The following SLC12A6 variants were observed in gnomAD, a reference collection of about 807,000 sequenced individuals.
SLC12A6 encodes the protein K-Cl cotransporter 3.
Under a neutral mutation model 135.3 loss-of-function variants are expected in SLC12A6, and 66 were observed. The ratio of observed to expected loss-of-function variants is 0.49; its 90% CI spans 0.40 to 0.60. The LOEUF (loss-of-function observed/expected upper bound fraction) is 0.60. SLC12A6 is among the 20% of genes least tolerant of loss of function. SLC12A6 has a pLI of 0.00. For synonymous variants in SLC12A6, 513 were observed against 508.8 expected, an observed-to-expected ratio of 1.01 and a Z score of -0.11; for missense variants, 1,058 against 1,452.3, an observed-to-expected ratio of 0.73 and a Z score of 4.41.
At position 34,236,831 on chromosome 15, in the gene SLC12A6, C is replaced by G; in HGVS notation, c.2935-16G>C. On this transcript the variant is annotated splice_polypyrimidine_tract_variant and intron_variant, in intron 22 of 25. Transcript: ENST00000354181. Reference sequence around the variant, plus strand: ...CACTGTCATGCTGCCATAGACATCACATAAAAGGGGCAAAAAGCACAAAGG... The same window carrying G: ...CACTGTCATGCTGCCATAGACATCAGATAAAAGGGGCAAAAAGCACAAAGG... 2.1e-6 allele frequency: 3 copies of G among 1,458,948 alleles called. No individual in the cohort carries two copies. Among genetic ancestry groups the G allele is most frequent in the Non-Finnish European group, 2.9e-6 (3 of 1,038,052 alleles). The allele number at this position is 1,458,948 out of a possible 1,614,324, so 90.4% of individuals were successfully genotyped here. A position where few individuals can be genotyped will look rare whatever the true frequency, so the allele number is the denominator to read the frequency against.
intron 2 of SLC12A6, among the ~76,000 whole-genome samples, chr15:34,284,277 CT>C (rs71415558): frequency 0.07 from 6,498 of 92,422 alleles, 71 homozygotes; most frequent in African/African-American, 0.14. Flanking sequence ...TGTTTCTTTT[CT>C]TTTTTTTTTT....
At chr15:34,271,650 G>C (rs1452037796) in intron 3 of SLC12A6, among the ~76,000 whole-genome samples, 1 of 143,466 alleles carries the variant, frequency 7.0e-6, no homozygotes, top group Non-Finnish European at 1.5e-5. Context: ...TAAATCACAG[G>C]TGTACAGCTT....
chr15:34,301,197 G>A (rs1315735879), intron 2 of SLC12A6, among the ~76,000 whole-genome samples: 1 of 152,056 alleles, frequency 6.6e-6, no homozygotes, highest in African/African-American at 2.4e-5. Context: ...TTGAACTCCT[G>A]ACCTCAGGTG....
At chr15:34,267,217 C>T (rs1003700934) in intron 3 of SLC12A6, among the ~76,000 whole-genome samples, 4 of 150,198 alleles carry the variant, frequency 2.7e-5, no homozygotes, top group East Asian at 2.0e-4. Flanking sequence ...TGGTGTCCAA[C>T]GTTCCCAGTA....
intron 2 of SLC12A6, among the ~76,000 whole-genome samples, chr15:34,330,634 T>C (rs1221140095): frequency 6.6e-6 from 1 of 151,466 alleles, no homozygotes; most frequent in African/African-American, 2.4e-5. Flanking sequence ...CACCACTGTA[T>C]CCAGCCTGGT....
At chr15:34,316,440 C>T (rs367691145) in intron 2 of SLC12A6, among the ~76,000 whole-genome samples, 1 of 152,104 alleles carries the variant, frequency 6.6e-6, no homozygotes, top group South Asian at 2.1e-4. Context: ...CATACATTTC[C>T]CTCCTTCCTA....
rs199936793 is a variant in SLC12A6, at chr15:34,245,644, T to C, written c.1824+49A>G. The C allele has an allele frequency of 5.8e-5, 85 of 1,470,358 alleles. 2 individuals are homozygous for C. In the East Asian group the frequency reaches 1.3e-3, roughly 22 times the overall value. 91.1% of individuals were successfully genotyped at this position (1,470,358 alleles called of 1,614,324 possible). A position where few individuals can be genotyped will look rare whatever the true frequency, so the allele number is the denominator to read the frequency against. The stretch of plus-strand genomic sequence containing the variant: ...AAGCCCATGAAGACCACACTGTTTC[T>C]CATTAAAGCTGGGAAAAAAAGAAGA... On this transcript the variant is annotated intron_variant, in intron 14 of 25. Transcript: ENST00000354181.
rs373077646 is a variant in SLC12A6, at chr15:34,250,907, G to C, written c.1484C>G (p.Ser495Cys). The change falls in exon 11 of 26, where the codon TCT (serine) becomes TGT (cysteine). Residue 495 changes from serine to cysteine, a missense_variant. Transcript: ENST00000354181. Reference sequence around the variant, plus strand: ...ACAGCCTATGTGTTTACCTGTAACAGAGGGAAAGAAGATTCCCACCAGAAG... The same window carrying C: ...ACAGCCTATGTGTTTACCTGTAACACAGGGAAAGAAGATTCCCACCAGAAG... ...FTLLVGIFFP[S>C]VTGIMAGSNR... The C allele has an allele frequency of 1.9e-5, 31 of 1,611,158 alleles. No individual in the cohort carries two copies. Among genetic ancestry groups the C allele is most frequent in the Middle Eastern group, 1.6e-4 (1 of 6,076 alleles).
At position 34,237,278 on chromosome 15, in the gene SLC12A6, T is replaced by G. The variant is rs542023228; in HGVS notation, c.2934+141A>C. On this transcript the variant is annotated intron_variant, in intron 22 of 25. Coordinates refer to ENST00000354181, the MANE Select transcript of SLC12A6 (RefSeq NM_001365088.1). ...TTCTACTTAGGGCAACAAATTAGGG[T>G]TTTTTTTTGTTTTTTTTTTGGCACT... The G allele has an allele frequency of 2.2e-4, 131 of 601,620 alleles. 1 individual carries two copies. The highest frequency in any genetic ancestry group is 9.2e-4 in the South Asian group (47 of 51,100). The allele number at this position is 601,620 out of a possible 1,614,324, so 37.3% of individuals were successfully genotyped here.
intron 3 of SLC12A6, among the ~76,000 whole-genome samples, chr15:34,268,037 T>C (rs1385954771): frequency 1.3e-5 from 2 of 152,226 alleles, no homozygotes; most frequent in African/African-American, 4.8e-5. Context: ...AAACATTTAA[T>C]AGAATTTTGT....
intron 2 of SLC12A6, among the ~76,000 whole-genome samples, chr15:34,320,423 G>A (rs111695438): frequency 2.6e-4 from 39 of 152,054 alleles, no homozygotes; most frequent in Middle Eastern, 3.2e-3. Context: ...TCATTCATAC[G>A]TAGGAGCTAA....
At chr15:34,332,993 A>G (rs1889956083) in intron 2 of SLC12A6, among the ~76,000 whole-genome samples, 1 of 152,092 alleles carries the variant, frequency 6.6e-6, no homozygotes, top group Non-Finnish European at 1.5e-5. Flanking sequence ...AACCATCTCT[A>G]TAAGCCTTAG....
At chr15:34,251,096 T>TG in intron 10 of SLC12A6, 39 bp from the exon 11 acceptor site, 2 of 1,177,116 alleles carry the variant, frequency 1.7e-6, no homozygotes, top group Non-Finnish European at 2.3e-6. Flanking sequence ...AGCAGCAGTA[T>TG]GAAAAAAAAA....
intron 2 of SLC12A6, among the ~76,000 whole-genome samples, chr15:34,309,803 T>C (rs1027107568): frequency 6.6e-6 from 1 of 152,102 alleles, no homozygotes; most frequent in Non-Finnish European, 1.5e-5. Context: ...AAAAAAAGGA[T>C]AAAGCTTTGA....
intron 2 of SLC12A6, among the ~76,000 whole-genome samples, chr15:34,282,004 T>G (rs1894718199): frequency 6.6e-6 from 1 of 152,010 alleles, no homozygotes; most frequent in Non-Finnish European, 1.5e-5. Flanking sequence ...AAAAAATAGC[T>G]AAAGATCATT....
At chr15:34,285,676 AAAC>A (rs1393692640) in intron 2 of SLC12A6, among the ~76,000 whole-genome samples, 2 of 52,752 alleles carry the variant, frequency 3.8e-5, no homozygotes, top group African/African-American at 1.9e-4. Flanking sequence ...ATGGATGAAT[AAAC>A]AAAATGTGCT....
chr15:34,255,528 A>G, intron 7 of SLC12A6, 136 bp from the exon 8 acceptor site: 1 of 682,282 alleles, frequency 1.5e-6, no homozygotes, highest in Non-Finnish European at 2.5e-6. Context: ...AATGTGATAA[A>G]AAGATGTGCT....
chr15:34,298,127 T>C (rs1314992191), intron 2 of SLC12A6, among the ~76,000 whole-genome samples: 2 of 151,972 alleles, frequency 1.3e-5, no homozygotes, highest in Non-Finnish European at 2.9e-5. Flanking sequence ...AGGGGAAAAA[T>C]ACACAATTAT....
chr15:34,336,559 G>C lies in SLC12A6; in HGVS notation c.122C>G (p.Ser41Cys). 6.2e-7 allele frequency: 1 copy of C among 1,613,994 alleles called. No homozygotes were observed. Among genetic ancestry groups the C allele is most frequent in the Non-Finnish European group, 8.5e-7 (1 of 1,179,962 alleles). The change falls in exon 2 of 26, where the codon TCC becomes TGC. Residue 41 changes from serine to cysteine, a missense_variant. Physicochemically the swap from Ser to Cys is moderately radical, Grantham distance 112 (BLOSUM62 -1). Transcript: ENST00000354181. The stretch of plus-strand genomic sequence containing the variant: ...TTCCCGGGAGCTAAATCTTACTCGG[G>C]AACTAGATCGAGAGCTGAGGTCCGG... Reference protein sequence around the residue: ...TSPDLSSRSSSRVRFSSRESV... With the variant: ...TSPDLSSRSSCRVRFSSRESV...
Sources: gnomAD v4.1 joint callset for allele counts (sites outside exome capture counted in the v4.1 genomes callset) on GRCh38, gnomAD v4.1.1 for gene constraint, MANE v1.5 for transcripts, NCBI Gene and HGNC (gene_info 2026-07-23, HGNC 2026-07-21) for gene names.